OSBPL6: variants seen among roughly 807,000 people sequenced by gnomAD.
The protein encoded by OSBPL6 is oxysterol-binding protein-related protein 6.
A neutral mutation model predicts 125.8 loss-of-function variants in OSBPL6; 49 were observed. The ratio of observed to expected loss-of-function variants is 0.39; its 90% confidence interval spans 0.31 to 0.49. The LOEUF is 0.49. Among genes scored for constraint, OSBPL6 ranks in the 20% least tolerant of loss-of-function variants. OSBPL6 has a pLI of 0.88. For synonymous variants in OSBPL6, 394 were observed against 391.8 expected (o/e 1.01, Z -0.07); for missense variants, 986 against 1,135.4 (o/e 0.87, Z 1.89).
chr2:178,201,113 A>G (rs2089237579), intron 1 of OSBPL6, among the ~76,000 whole-genome samples: 1 of 152,128 alleles, frequency 6.6e-6, no homozygotes, highest in Non-Finnish European at 1.5e-5. Context: ...ATTTTCTAAA[A>G]CTGTAGACTC....
At chr2:178,264,307 G>T (rs1461609446) in intron 1 of OSBPL6, among the ~76,000 whole-genome samples, 1 of 152,008 alleles carries the variant, frequency 6.6e-6, no homozygotes, top group African/African-American at 2.4e-5. Flanking sequence ...TTCCTTTAAA[G>T]ACCTTATAGC....
chr2:178,377,500 T>C (rs1476228044), intron 15 of OSBPL6, among the ~76,000 whole-genome samples: 1 of 152,202 alleles, frequency 6.6e-6, no homozygotes, highest in Non-Finnish European at 1.5e-5. Flanking sequence ...CTGTATCACC[T>C]TGTGGTGAGG....
chr2:178,203,852 C>T (rs1423370899), intron 1 of OSBPL6, among the ~76,000 whole-genome samples: 4 of 152,200 alleles, frequency 2.6e-5, no homozygotes, highest in South Asian at 2.1e-4. Flanking sequence ...ACCCAATGTC[C>T]GCTGAATCAT....
chr2:178,390,248 C>G (rs1695285155), intron 21 of OSBPL6, among the ~76,000 whole-genome samples: 1 of 152,238 alleles, frequency 6.6e-6, no homozygotes, highest in East Asian at 1.9e-4. Flanking sequence ...AGGTTGGACC[C>G]TTCAGAACTC....
At chr2:178,351,938 T>A (rs372206359) in intron 12 of OSBPL6, among the ~76,000 whole-genome samples, 2 of 152,212 alleles carry the variant, frequency 1.3e-5, no homozygotes, top group African/African-American at 2.4e-5. Context: ...TGAACCTCCA[T>A]GACACATGTT....
In OSBPL6 at chr2:178,402,396, T is replaced by C. The variant is rs1022820164; in HGVS notation, c.*6837T>C. On this transcript the variant is annotated 3_prime_UTR_variant, in exon 25 of 25. Transcript: ENST00000190611. Reference sequence around the variant, plus strand: ...TCACCTTCCATTCTCTCTTAGGCTTTGTCTATGTCTCTAAGGGGAGTTTTT... The same window carrying C: ...TCACCTTCCATTCTCTCTTAGGCTTCGTCTATGTCTCTAAGGGGAGTTTTT... The C allele has an allele frequency of 6.6e-6, 1 of 152,216 alleles. No homozygotes were observed. Among genetic ancestry groups the C allele is most frequent in the Non-Finnish European group, 1.5e-5 (1 of 68,050 alleles). 9.4% of individuals were successfully genotyped at this position (152,216 alleles called of 1,614,324 possible).
In OSBPL6 at chr2:178,392,330, G is replaced by A. The variant is rs1575056717; in HGVS notation, c.2447-82G>A. 4 of 1,484,132 alleles carry A rather than the reference G, an allele frequency of 2.7e-6. No individual in the cohort carries two copies. In the African/African-American group the frequency reaches 5.6e-5, roughly 21 times the overall value. 91.9% of individuals were successfully genotyped at this position (1,484,132 alleles called of 1,614,324 possible). On this transcript the variant is annotated intron_variant, in intron 22 of 24. Coordinates refer to ENST00000190611, the MANE Select transcript of OSBPL6 (RefSeq NM_032523.4). ...GACTACAAATTTGGTGTTAGTGTAG[G>A]TACTAAGTACTAGGGTAAGTCAGCT...
intron 1 of OSBPL6, among the ~76,000 whole-genome samples, chr2:178,274,669 C>A (rs1405054900): frequency 6.6e-6 from 1 of 152,170 alleles, no homozygotes; most frequent in African/African-American, 2.4e-5. Flanking sequence ...ATTAAGTAAA[C>A]ACAATGTATG....
chr2:178,372,049 C>A, intron 13 of OSBPL6, 77 bp from the exon 14 acceptor site: 1 of 1,093,416 alleles, frequency 9.1e-7, no homozygotes, highest in Non-Finnish European at 1.4e-6. Flanking sequence ...TATTGTCTAA[C>A]TTGTACCTGT....
At chr2:178,289,155 C>T (rs866266621) in intron 2 of OSBPL6, among the ~76,000 whole-genome samples, 1 of 149,944 alleles carries the variant, frequency 6.7e-6, no homozygotes, top group Middle Eastern at 3.6e-3. Flanking sequence ...GTAGCTGGGA[C>T]TACAGATGCG....
chr2:178,250,876 G>A (rs564373111), intron 1 of OSBPL6, among the ~76,000 whole-genome samples: 177 of 151,758 alleles, frequency 1.2e-3, no homozygotes, highest in African/African-American at 3.6e-3. Flanking sequence ...CCATTAACCT[G>A]TCAGGCTGGT....
At chr2:178,340,152 C>T (rs1690077915) in intron 11 of OSBPL6, among the ~76,000 whole-genome samples, 1 of 151,902 alleles carries the variant, frequency 6.6e-6, no homozygotes, top group South Asian at 2.1e-4. Flanking sequence ...TCAGCTTTGT[C>T]CAAATGTTTT....
intron 1 of OSBPL6, among the ~76,000 whole-genome samples, chr2:178,276,293 G>C (rs540941039): frequency 6.6e-6 from 1 of 151,580 alleles, no homozygotes; most frequent in Admixed American, 6.6e-5. Flanking sequence ...TTGGGCATTG[G>C]TTGGAATATC....
At chr2:178,223,279 TG>T (rs1574532046) in intron 1 of OSBPL6, among the ~76,000 whole-genome samples, 1 of 152,336 alleles carries the variant, frequency 6.6e-6, no homozygotes, top group East Asian at 1.9e-4. Flanking sequence ...TGTATTGTGT[TG>T]GCCATTTGAA....
intron 3 of OSBPL6, among the ~76,000 whole-genome samples, chr2:178,319,275 G>A (rs1187387271): frequency 1.3e-5 from 2 of 152,198 alleles, no homozygotes; most frequent in Non-Finnish European, 1.5e-5. Flanking sequence ...TGAGTGTGCT[G>A]TAAGGGTAAC....
At chr2:178,385,252 GAAGA>G (rs1163080166) in intron 18 of OSBPL6, among the ~76,000 whole-genome samples, 8 of 152,008 alleles carry the variant, frequency 5.3e-5, no homozygotes, top group Non-Finnish European at 7.4e-5. Flanking sequence ...AGGAAGGAAG[GAAGA>G]AAGAAAGGAA....
At chr2:178,293,024 T>A (rs1203255956) in intron 2 of OSBPL6, among the ~76,000 whole-genome samples, 1 of 151,964 alleles carries the variant, frequency 6.6e-6, no homozygotes, top group East Asian at 1.9e-4. Flanking sequence ...CAACTGGCAC[T>A]ATAAGTAGTT....
rs775032605 is a variant in OSBPL6 at position 178,344,358 on chromosome 2, A to C, written c.987+4594A>C. 95 of 1,613,942 alleles carry C rather than the reference A, an allele frequency of 5.9e-5. No homozygotes were observed. The highest frequency in any genetic ancestry group is 7.6e-5 in the Non-Finnish European group (90 of 1,179,934). ...GAGGCTAGCGGCAGCAGTGGCTACA[A>C]CAGTGAGTGGATTTCAATCTCAAGT... On this transcript the variant is annotated intron_variant, in intron 11 of 24. Coordinates refer to ENST00000190611, the MANE Select transcript of OSBPL6 (RefSeq NM_032523.4).
intron 1 of OSBPL6, among the ~76,000 whole-genome samples, chr2:178,207,465 A>G (rs2089600865): frequency 6.6e-6 from 1 of 152,208 alleles, no homozygotes; most frequent in African/African-American, 2.4e-5. Flanking sequence ...GGGGTCATAT[A>G]TGGTAAAATA....
Sources: allele counts gnomAD v4.1 joint callset (sites outside exome capture counted in the v4.1 genomes callset), GRCh38; gene constraint gnomAD v4.1.1; transcripts MANE v1.5; gene names NCBI Gene and HGNC (gene_info 2026-07-23, HGNC 2026-07-21).